DDI2: variants seen among roughly 807,000 people sequenced by gnomAD.
DDI2 encodes the protein DDI proteasomal shuttling factor 2.
In DDI2, 5 loss-of-function variants were observed where a neutral mutation model predicts 48.1. The observed-to-expected ratio is 0.10, with a 90% CI of 0.05 to 0.22. The LOEUF (loss-of-function observed/expected upper bound fraction) is 0.22. DDI2 is among the 10% of genes least tolerant of loss of function. The pLI, the probability that DDI2 is intolerant of heterozygous loss-of-function variation, is 1.00. For missense variants in DDI2, 285 were observed against 506.2 expected, an observed-to-expected ratio of 0.56 and a Z score of 4.19; for synonymous variants, 205 against 183.6, an observed-to-expected ratio of 1.12 and a Z score of -0.94.
Position 15,660,286 on chromosome 1 carries a change from A to G in DDI2, c.*496A>G, listed in dbSNP as rs912896477. On this transcript the variant is annotated 3_prime_UTR_variant, in exon 10 of 10. Coordinates refer to ENST00000480945, the MANE Select transcript of DDI2 (RefSeq NM_032341.5). ...TAGTTTATCTGTCACATCTACTAGG[A>G]TGCATGAACCACAGATGTTTCTAGG... The G allele has an allele frequency of 3.7e-6, 6 of 1,614,082 alleles. No homozygotes were observed. Among genetic ancestry groups the G allele is most frequent in the African/African-American group, 1.3e-5 (1 of 74,926 alleles).
At chr1:15,652,449 A>T (rs12742034) in intron 8 of DDI2, among the ~76,000 whole-genome samples, 2 of 8,218 alleles carry the variant, frequency 2.4e-4, no homozygotes, top group Admixed American at 1.3e-3. Context: ...GAGGCTCCGG[A>T]GGGGGGGGGG....
rs1327786485 is a variant in DDI2 at position 15,660,190 on chromosome 1, G to A, written c.*400G>A. On this transcript the variant is annotated 3_prime_UTR_variant, in exon 10 of 10. Coordinates refer to ENST00000480945, the MANE Select transcript of DDI2 (RefSeq NM_032341.5). ...TTCATCCGAAGAAATAACTGTTGCA[G>A]GTAATCTGGAGAAATCTGCTGAAAG... The A allele has an allele frequency of 6.2e-7, 1 of 1,614,180 alleles. No homozygotes were observed.
intron 8 of DDI2, among the ~76,000 whole-genome samples, chr1:15,656,041 A>G (rs952032801): frequency 6.6e-6 from 1 of 152,142 alleles, no homozygotes; most frequent in Non-Finnish European, 1.5e-5. Context: ...GTGTCTCACT[A>G]TGTTGCCCCA....
In DDI2 at chr1:15,660,147, A is replaced by G. The variant is rs754361050; in HGVS notation, c.*357A>G. 1.1e-5 allele frequency: 17 copies of G among 1,614,130 alleles called. No homozygotes were observed. Among genetic ancestry groups the G allele is most frequent in the Admixed American group, 3.3e-5 (2 of 60,008 alleles). Reference sequence around the variant, plus strand: ...ACCATGCTCCAACAGACCAGAGTCCAGCTATGCCTATGCAGAATTCATCCG... The same window carrying G: ...ACCATGCTCCAACAGACCAGAGTCCGGCTATGCCTATGCAGAATTCATCCG... On this transcript the variant is annotated 3_prime_UTR_variant, in exon 10 of 10. Transcript: ENST00000480945.
intron 1 of DDI2, among the ~76,000 whole-genome samples, chr1:15,624,070 A>C (rs1639714638): frequency 6.6e-6 from 1 of 152,116 alleles, no homozygotes; most frequent in Non-Finnish European, 1.5e-5. Context: ...ATAAATAAAT[A>C]AATACCGTTA....
intron 2 of DDI2, 112 bp from the exon 3 acceptor site, chr1:15,630,213 A>G (rs1639821132): frequency 2.1e-6 from 2 of 936,524 alleles, no homozygotes; most frequent in Non-Finnish European, 3.4e-6. Context: ...TAAAGTCTAC[A>G]GTTACCTTTG....
intron 1 of DDI2, among the ~76,000 whole-genome samples, chr1:15,621,169 G>T (rs955681769): frequency 6.6e-6 from 1 of 152,150 alleles, no homozygotes; most frequent in African/African-American, 2.4e-5. Flanking sequence ...CTTTGATGCA[G>T]ACTTGCCTGG....
At chr1:15,649,941 G>A (rs1239173756) in intron 7 of DDI2, 118 bp downstream of exon 7, 2 of 934,082 alleles carry the variant, frequency 2.1e-6, no homozygotes, top group African/African-American at 3.4e-5. Context: ...TTTCAAACCT[G>A]GAAATGTCCT....
intron 7 of DDI2, among the ~76,000 whole-genome samples, chr1:15,650,140 A>G (rs1295125196): frequency 2.0e-5 from 3 of 152,194 alleles, no homozygotes; most frequent in Non-Finnish European, 4.4e-5. Context: ...TGACCTGACT[A>G]AAAAGTGTGA....
Position 15,660,118 on chromosome 1 carries a change from G to T in DDI2, c.*328G>T. The stretch of plus-strand genomic sequence containing the variant: ...AGATCTTTCTGATCATGCTTCCTCA[G>T]CAGACCATGCTCCAACAGACCAGAG... On this transcript the variant is annotated 3_prime_UTR_variant, in exon 10 of 10. Transcript: ENST00000480945. 6.2e-7 allele frequency: 1 copy of T among 1,614,180 alleles called. No individual in the cohort carries two copies. Among genetic ancestry groups the T allele is most frequent in the Non-Finnish European group, 8.5e-7 (1 of 1,180,038 alleles).
rs373002937 is a variant in DDI2, at chr1:15,656,534, A to G, written c.1184-83A>G. On this transcript the variant is annotated intron_variant, in intron 8 of 9. Transcript: ENST00000480945. The stretch of plus-strand genomic sequence containing the variant: ...CCAGTTCCTGATTTTAAAGATGGCA[A>G]AAGAACGGAAACTATAACCCTGCAT... The G allele has an allele frequency of 1.1e-5, 18 of 1,610,972 alleles. No homozygotes were observed. In the African/African-American group the frequency reaches 2.4e-4, roughly 22 times the overall value.
intron 8 of DDI2, among the ~76,000 whole-genome samples, chr1:15,653,032 A>T (rs1229393503): frequency 6.6e-6 from 1 of 152,138 alleles, no homozygotes; most frequent in East Asian, 1.9e-4. Flanking sequence ...TCTGTTTTTT[A>T]GTATTTCAAC....
chr1:15,652,459 G>A lies in DDI2; in HGVS notation c.1183+564G>A, dbSNP rs978501452. 3.9e-5 allele frequency among the ~76,000 whole-genome samples: 4 copies of A among 101,502 alleles called. 1 individual carries two copies. In the East Asian group the frequency reaches 1.4e-3, roughly 35 times the overall value. 66.6% of individuals were successfully genotyped at this position (101,502 alleles called of 152,430 possible). A position where few individuals can be genotyped will look rare whatever the true frequency, so the allele number is the denominator to read the frequency against. On this transcript the variant is annotated intron_variant, in intron 8 of 9. Transcript: ENST00000480945. Reference sequence around the variant, plus strand: ...TTTGGGAGGCTCCGGAGGGGGGGGGGGGGGGGCGGATCACCTGAGGTCAGG... The same window carrying A: ...TTTGGGAGGCTCCGGAGGGGGGGGGAGGGGGGCGGATCACCTGAGGTCAGG...
At chr1:15,622,709 T>G (rs184997896) in intron 1 of DDI2, among the ~76,000 whole-genome samples, 25 of 152,342 alleles carry the variant, frequency 1.6e-4, no homozygotes, top group Admixed American at 1.5e-3. Context: ...CCATGTCTAA[T>G]AGATACTGAA....
At chr1:15,635,298 T>C (rs1013765828) in intron 4 of DDI2, among the ~76,000 whole-genome samples, 2 of 151,902 alleles carry the variant, frequency 1.3e-5, no homozygotes, top group African/African-American at 4.8e-5. Context: ...ATTACGAAAT[T>C]CCATCTCAAA....
intron 8 of DDI2, among the ~76,000 whole-genome samples, chr1:15,652,177 C>G (rs1309484591): frequency 6.7e-6 from 1 of 148,600 alleles, no homozygotes; most frequent in Non-Finnish European, 1.5e-5. Flanking sequence ...TGGGCTCAAG[C>G]AGTCCTCTCA....
chr1:15,626,615 GC>G (rs762071799), intron 1 of DDI2, 53 bp from the exon 2 acceptor site: 6 of 1,607,512 alleles, frequency 3.7e-6, no homozygotes, highest in Non-Finnish European at 5.1e-6. Context: ...CTTCTGCCTT[GC>G]GCTGTGTTAC....
intron 2 of DDI2, among the ~76,000 whole-genome samples, chr1:15,629,932 A>T (rs538775951): frequency 6.6e-6 from 1 of 152,076 alleles, no homozygotes; most frequent in African/African-American, 2.4e-5. Flanking sequence ...GAGTTTCACT[A>T]TGTTGACCAG....
At position 15,661,629 on chromosome 1, in the gene DDI2, G is replaced by A. The variant is rs759562891; in HGVS notation, c.*1839G>A. ...GCATTCTCCGTGCTGGCTTTACTTT[G>A]CAGGAAGCTCTTGGAGCTTTGCATC... On this transcript the variant is annotated 3_prime_UTR_variant, in exon 10 of 10. Coordinates refer to ENST00000480945, the MANE Select transcript of DDI2 (RefSeq NM_032341.5). The A allele has an allele frequency of 6.2e-7, 1 of 1,614,032 alleles. No homozygotes were observed. The highest frequency in any genetic ancestry group is 1.1e-5 in the South Asian group (1 of 90,992).
Sources: allele counts gnomAD v4.1 joint callset (sites outside exome capture counted in the v4.1 genomes callset), GRCh38; gene constraint gnomAD v4.1.1; transcripts MANE v1.5; gene names NCBI Gene and HGNC (gene_info 2026-07-23, HGNC 2026-07-21).